Variants in RS1 observed in about 807,000 individuals in gnomAD.
The protein encoded by RS1 is retinoschisin 1, also known as retinoschisin.
Under a neutral mutation model 20.8 loss-of-function variants are expected in RS1, and 2 were observed. The ratio of observed to expected loss-of-function variants is 0.10; its 90% CI spans 0.04 to 0.30. The LOEUF is 0.30. RS1 is among the 10% of genes least tolerant of loss of function. The pLI is 1.00. For synonymous variants in RS1, 70 were observed against 75.8 expected (o/e 0.92, Z 0.40); for missense variants, 151 against 189.8 (o/e 0.80, Z 1.20).
At chrX:18,666,426 G>A (rs1209177695) in intron 1 of RS1, among the ~76,000 whole-genome samples, 1 of 111,573 alleles carries the variant, frequency 9.0e-6, no homozygotes, top group African/African-American at 3.3e-5. Flanking sequence ...GCGTGTTCCA[G>A]GAAGAGCAAG....
rs1467666994 is a variant in RS1, at chrX:18,641,390, G to A, written c.*614C>T. On this transcript the variant is annotated 3_prime_UTR_variant, in exon 6 of 6. Transcript: ENST00000379984. Reference sequence around the variant, plus strand: ...TCCGCCTTGAAGGTAAGAACTGTGAGCAGAGGAAACTCCCCTACCTTGGGC... The same window carrying A: ...TCCGCCTTGAAGGTAAGAACTGTGAACAGAGGAAACTCCCCTACCTTGGGC... 8.8e-6 allele frequency: 1 copy of A among 113,990 alleles called. No homozygotes were observed. The highest frequency in any genetic ancestry group is 2.8e-4 in the East Asian group (1 of 3,620). 9.4% of individuals were successfully genotyped at this position (113,990 alleles called of 1,213,427 possible).
chrX:18,659,210 A>G (rs2147204242), intron 1 of RS1, among the ~76,000 whole-genome samples: 1 of 111,742 alleles, frequency 8.9e-6, no homozygotes, highest in Non-Finnish European at 1.9e-5. Flanking sequence ...GGGGTAGCTC[A>G]TGCCTGTAAT....
At chrX:18,668,368 G>C (rs1928437369) in intron 1 of RS1, among the ~76,000 whole-genome samples, 1 of 112,411 alleles carries the variant, frequency 8.9e-6, no homozygotes, top group African/African-American at 3.2e-5. Context: ...AATGTACCTT[G>C]CAACCCATGA....
At chrX:18,671,183 G>A (rs1363013136) in intron 1 of RS1, among the ~76,000 whole-genome samples, 1 of 111,667 alleles carries the variant, frequency 9.0e-6, no homozygotes, top group Non-Finnish European at 1.9e-5. Context: ...AGAGCACAGA[G>A]ACCTCCTTCT....
At chrX:18,656,522 A>G (rs936992884) in intron 3 of RS1, 131 bp downstream of exon 3, 2 of 570,920 alleles carry the variant, frequency 3.5e-6, no homozygotes, top group Admixed American at 4.5e-5. Flanking sequence ...ATAAATACAC[A>G]CAGCTACCAC....
At chrX:18,661,254 A>G (rs5909071) in intron 1 of RS1, among the ~76,000 whole-genome samples, 19,132 of 110,900 alleles carry the variant, frequency 0.17, 1,285 homozygotes, top group Middle Eastern at 0.26. Context: ...CTAGTGAAAC[A>G]GGAAAGGTCC....
At chrX:18,642,266 A>G in intron 5 of RS1, 110 bp from the exon 6 acceptor site, 1 of 873,064 alleles carries the variant, frequency 1.1e-6, no homozygotes, top group Non-Finnish European at 1.7e-6. Flanking sequence ...ATTAGGAAGT[A>G]GTTAAAGCAG....
At chrX:18,648,133 C>T (rs1927866700) in intron 3 of RS1, among the ~76,000 whole-genome samples, 1 of 111,240 alleles carries the variant, frequency 9.0e-6, no homozygotes, top group Admixed American at 9.5e-5. Context: ...ACCCGGGAGG[C>T]AGAGGTTTCA....
At chrX:18,655,986 CTTTTTTTTTTTTTTT>C (rs56213978) in intron 3 of RS1, among the ~76,000 whole-genome samples, 1 of 50,826 alleles carries the variant, frequency 2.0e-5, no homozygotes. Flanking sequence ...TTTTCTTTTC[CTTTTTTTTTTTTTTT>C]TTTTTTTTTG....
At chrX:18,647,167 A>G in intron 4 of RS1, 24 bp downstream of exon 4, 1 of 1,210,201 alleles carries the variant, frequency 8.3e-7, no homozygotes, top group Non-Finnish European at 1.1e-6. Context: ...AGCACATGAA[A>G]AAAAATCCCC....
chrX:18,657,714 T>A, intron 1 of RS1, 49 bp from the exon 2 acceptor site: 1 of 935,920 alleles, frequency 1.1e-6, no homozygotes, highest in Non-Finnish European at 1.5e-6. Flanking sequence ...GAAAGAGAAA[T>A]CCAACAGCAT....
chrX:18,652,981 AAC>A (rs1928114191), intron 3 of RS1, among the ~76,000 whole-genome samples: 1 of 112,903 alleles, frequency 8.9e-6, no homozygotes, highest in South Asian at 3.6e-4. Context: ...GATCTAAAGA[AAC>A]ACAGAATTCA....
At chrX:18,647,144 A>G (rs1569230048) in intron 4 of RS1, 47 bp downstream of exon 4, 2 of 1,177,561 alleles carry the variant, frequency 1.7e-6, no homozygotes, top group Admixed American at 4.4e-5. Flanking sequence ...AGAGAGGCCT[A>G]TTTTTTTTTA....
intron 3 of RS1, chrX:18,650,483 A>C (rs765535216): frequency 8.3e-7 from 1 of 1,210,153 alleles, no homozygotes; most frequent in Non-Finnish European, 1.1e-6. Flanking sequence ...TTCATCGTCC[A>C]ATCTCCAGTC....
intron 1 of RS1, among the ~76,000 whole-genome samples, chrX:18,663,712 T>G (rs375506496): frequency 9.0e-6 from 1 of 111,459 alleles, no homozygotes; most frequent in African/African-American, 3.3e-5. Context: ...ACCGCAATGT[T>G]GGGTGCTGTC....
intron 1 of RS1, among the ~76,000 whole-genome samples, chrX:18,658,612 C>A (rs1370798088): frequency 1.4e-5 from 1 of 69,872 alleles, no homozygotes; most frequent in East Asian, 3.5e-4. Context: ...CATACCACCA[C>A]ACCTGGCTAA....
At chrX:18,670,575 A>C (rs1451173350) in intron 1 of RS1, among the ~76,000 whole-genome samples, 1 of 111,031 alleles carries the variant, frequency 9.0e-6, no homozygotes, top group East Asian at 2.8e-4. Context: ...ATGAGCTCTT[A>C]AAAGAAGGGA....
intron 1 of RS1, among the ~76,000 whole-genome samples, chrX:18,658,937 T>A (rs1441504172): frequency 9.0e-6 from 1 of 111,585 alleles, no homozygotes; most frequent in East Asian, 2.8e-4. Context: ...TTGTCTATAA[T>A]GTACAGGAAA....
At chrX:18,661,200 C>T (rs1928301966) in intron 1 of RS1, among the ~76,000 whole-genome samples, 1 of 111,721 alleles carries the variant, frequency 9.0e-6, no homozygotes. Flanking sequence ...AGGCTTTGCC[C>T]TCATACATGG....
Sources: allele counts gnomAD v4.1 joint callset (sites outside exome capture counted in the v4.1 genomes callset), GRCh38; gene constraint gnomAD v4.1.1; transcripts MANE v1.5; gene names NCBI Gene and HGNC (gene_info 2026-07-23, HGNC 2026-07-21).